The following MAPKBP1 variants were observed in gnomAD, a reference collection of about 807,000 sequenced individuals.
MAPKBP1 encodes mitogen-activated protein kinase-binding protein 1.
MAPKBP1 carries 71 observed loss-of-function variants against 170.5 expected under a neutral mutation model. That is an observed-to-expected ratio of 0.42 (90% CI 0.34 to 0.51). The LOEUF (loss-of-function observed/expected upper bound fraction) is 0.51, where lower values mean the gene tolerates loss of function less well. MAPKBP1 is among the 20% of genes least tolerant of loss of function. The pLI, the probability that MAPKBP1 is intolerant of heterozygous loss-of-function variation, is 0.06. For missense variants in MAPKBP1, 1,598 were observed against 1,933.0 expected (o/e 0.83, Z 3.25); for synonymous variants, 719 against 757.9 (o/e 0.95, Z 0.84).
intron 2 of MAPKBP1, among the ~76,000 whole-genome samples, chr15:41,785,361 G>A (rs1361281332): frequency 6.6e-6 from 1 of 152,110 alleles, no homozygotes; most frequent in Non-Finnish European, 1.5e-5. Context: ...AATTCTTTTT[G>A]ATACTAACTT....
At chr15:41,774,893 G>A (rs1473171509) in intron 1 of MAPKBP1, 1 of 439,722 alleles carries the variant, frequency 2.3e-6, no homozygotes, top group Non-Finnish European at 4.0e-6. Flanking sequence ...GGGCATTAAC[G>A]GGAACCAGAT....
Position 41,825,229 on chromosome 15 carries a change from C to T in MAPKBP1, c.4320C>T (p.Pro1440=). ...TTCAGGTGGCTGGCTGCAAGATGCCCTCAGCAGAGCAAAGTCGGATTGCCC... is the reference window on the plus strand; with the variant it reads ...TTCAGGTGGCTGGCTGCAAGATGCCTTCAGCAGAGCAAAGTCGGATTGCCC... The part of the protein sequence containing the change: ...LYHSVAGCKM[P]SAEQSRIAQL... The change falls in exon 31 of 31, where the codon CCC becomes CCT. Residue 1440 remains proline (P), a synonymous_variant. Coordinates refer to ENST00000457542, the MANE Select transcript of MAPKBP1 (RefSeq NM_014994.3). The T allele has an allele frequency of 6.3e-7, 1 of 1,594,088 alleles. No individual in the cohort carries two copies. The highest frequency in any genetic ancestry group is 8.6e-7 in the Non-Finnish European group (1 of 1,164,982).
chr15:41,821,438 T>C, intron 23 of MAPKBP1, 146 bp from the exon 24 acceptor site: 1 of 732,600 alleles, frequency 1.4e-6, no homozygotes, highest in Admixed American at 2.5e-5. Context: ...AGCTTCCCCT[T>C]GAATGAGTGC....
rs920813332 is a variant in MAPKBP1 at position 41,804,612 on chromosome 15, C to T, written c.206+4698C>T. 1.1e-4 allele frequency among the ~76,000 whole-genome samples: 17 copies of T among 152,336 alleles called. No individual in the cohort carries two copies. In the South Asian group the frequency reaches 1.9e-3, roughly 17 times the overall value. On this transcript the variant is annotated intron_variant, in intron 3 of 30. Coordinates refer to ENST00000457542, the MANE Select transcript of MAPKBP1 (RefSeq NM_014994.3). ...TCCTGCCCGCTTTCTTCCTCACACA[C>T]CCCTGGACTCCAGGCCTGGCCTTTA...
At chr15:41,811,739 A>G (rs1203123796) in intron 5 of MAPKBP1, 1 of 691,764 alleles carries the variant, frequency 1.4e-6, no homozygotes, top group Non-Finnish European at 2.6e-6. Flanking sequence ...ACGGCCACCC[A>G]GAGATGCTGA....
intron 23 of MAPKBP1, 81 bp downstream of exon 23, chr15:41,821,149 T>A: frequency 3.9e-6 from 5 of 1,294,636 alleles, no homozygotes; most frequent in Non-Finnish European, 5.6e-6. Flanking sequence ...ACCTGAGCAC[T>A]GGTCCAGCTA....
rs565048943 is a variant in MAPKBP1, at chr15:41,775,417, C to A, written c.114+28C>A. On this transcript the variant is annotated intron_variant, in intron 2 of 30. Transcript: ENST00000457542. ...GAGTCCTGTTGGGATCCACCTCTTT[C>A]CAAACCCACCCTCTCCTGCTCCATG... is the stretch of plus-strand genomic sequence containing the variant. The A allele has an allele frequency of 6.7e-6, 10 of 1,490,760 alleles. No homozygotes were observed. The African/African-American group carries it at 6.9e-5, about 10-fold the overall frequency. The allele number at this position is 1,490,760 out of a possible 1,614,324, so 92.3% of individuals were successfully genotyped here. A position where few individuals can be genotyped will look rare whatever the true frequency, so the allele number is the denominator to read the frequency against.
chr15:41,791,773 G>C (rs1393238961), intron 2 of MAPKBP1, among the ~76,000 whole-genome samples: 1 of 151,992 alleles, frequency 6.6e-6, no homozygotes, highest in African/African-American at 2.4e-5. Context: ...TGGCTTCCTG[G>C]TTCTCCTCCT....
At chr15:41,774,833 G>T in intron 1 of MAPKBP1, 2 of 401,444 alleles carry the variant, frequency 5.0e-6, no homozygotes, top group Non-Finnish European at 8.8e-6. Flanking sequence ...AATCCCTGGT[G>T]GTCTCGGCGG....
rs1268177096 is a variant in MAPKBP1, at chr15:41,817,259, GTTTAA to G, written c.1712-124_1712-120del. ...GAGACAGGAAAACCTGGGTTTCCAGGTTTAATTTAGTTGGTTTTCCCTGGCATGTA... is the reference window on the plus strand; with the variant it reads ...GAGACAGGAAAACCTGGGTTTCCAGGTTTAGTTGGTTTTCCCTGGCATGTA... On this transcript the variant is annotated intron_variant, in intron 14 of 30. Transcript: ENST00000457542. This position sits in a 1 kb window ranked among gnomAD's most constrained non-coding sequence, Gnocchi z 4.2. 1.6e-6 allele frequency: 2 copies of G among 1,238,856 alleles called. No homozygotes were observed. The highest frequency in any genetic ancestry group is 3.0e-5 in the African/African-American group (2 of 66,876). The allele number at this position is 1,238,856 out of a possible 1,614,324, so 76.7% of individuals were successfully genotyped here. A position where few individuals can be genotyped will look rare whatever the true frequency, so the allele number is the denominator to read the frequency against.
chr15:41,776,095 T>C (rs961132172), intron 2 of MAPKBP1, among the ~76,000 whole-genome samples: 5 of 152,250 alleles, frequency 3.3e-5, no homozygotes, highest in Non-Finnish European at 7.3e-5. Flanking sequence ...TTGGTCCTTA[T>C]GCTTTTTCAA....
rs552472091 is a variant in MAPKBP1 at position 41,793,343 on chromosome 15, C to G, written c.115-6480C>G. Among the ~76,000 whole-genome samples, 3 of 151,968 alleles carry G rather than the reference C, an allele frequency of 2.0e-5. No homozygotes were observed. The South Asian group carries it at 6.2e-4, about 32-fold the overall frequency. On this transcript the variant is annotated intron_variant, in intron 2 of 30. Coordinates refer to ENST00000457542, the MANE Select transcript of MAPKBP1 (RefSeq NM_014994.3). ...TCTACTAAAAATACAAAAAATTAGC[C>G]GGACGTGGTGGCATGTGCCTGTAGT... is the stretch of plus-strand genomic sequence containing the variant.
Position 41,774,781 on chromosome 15 carries a change from C to A in MAPKBP1, c.-110+171C>A, listed in dbSNP as rs146027549. ...AGTTGTGGGCTACGGCGAGCCCCGC[C>A]GCGTCCCCGCCGGCGCTAGCGCAGG... On this transcript the variant is annotated intron_variant, in intron 1 of 30. Coordinates refer to ENST00000457542, the MANE Select transcript of MAPKBP1 (RefSeq NM_014994.3). 5.9e-3 allele frequency: 2,363 copies of A among 399,776 alleles called. 12 individuals carry two copies. The highest frequency in any genetic ancestry group is 8.3e-3 in the Non-Finnish European group (1,879 of 227,266). The allele number at this position is 399,776 out of a possible 1,614,324, so 24.8% of individuals were successfully genotyped here. A position where few individuals can be genotyped will look rare whatever the true frequency, so the allele number is the denominator to read the frequency against.
In MAPKBP1 at chr15:41,822,301, AGAG is replaced by A. The variant is rs1335474802; in HGVS notation, c.3111_3113del (p.Glu1041del). 6.2e-7 allele frequency: 1 copy of A among 1,613,946 alleles called. No homozygotes were observed. Among genetic ancestry groups the A allele is most frequent in the African/African-American group, 1.3e-5 (1 of 74,936 alleles). ...AAGAGCCAGCTGAGGGTGATGAAGA[AGAG>A]GAAGAAGAGGAGGGAGGCATGGGCC... On this transcript the variant is annotated inframe_deletion, in exon 26 of 31. Transcript: ENST00000457542.
chr15:41,774,544 A>C lies in MAPKBP1; in HGVS notation c.-176A>C. 1 of 398,568 alleles carries C rather than the reference A, an allele frequency of 2.5e-6. No homozygotes were observed. Among genetic ancestry groups the C allele is most frequent in the Non-Finnish European group, 4.4e-6 (1 of 226,060 alleles). The allele number at this position is 398,568 out of a possible 1,614,324, so 24.7% of individuals were successfully genotyped here. A position where few individuals can be genotyped will look rare whatever the true frequency, so the allele number is the denominator to read the frequency against. ...TCTACCGCTGCGGCTACCGCGGCGGAGCTGAAATTGCCGAACGCGATGCCC... is the reference window on the plus strand; with the variant it reads ...TCTACCGCTGCGGCTACCGCGGCGGCGCTGAAATTGCCGAACGCGATGCCC... On this transcript the variant is annotated 5_prime_UTR_variant, in exon 1 of 31. Coordinates refer to ENST00000457542, the MANE Select transcript of MAPKBP1 (RefSeq NM_014994.3).
Position 41,813,706 on chromosome 15 carries a change from C to T in MAPKBP1, c.905C>T (p.Ser302Phe), listed in dbSNP as rs2064843222. ...GGCACCGTGCGCCTTTTCAACCCCT[C>T]TAACCTGCACTTCCTTAGCACCTTG... ...ADGTVRLFNP[S>F]NLHFLSTLPR... The change falls in exon 9 of 31, where the codon TCT becomes TTT. Residue 302 changes from serine (S) to phenylalanine (F), a missense_variant. Physicochemically the swap from Ser to Phe is radical, Grantham distance 155. Coordinates refer to ENST00000457542, the MANE Select transcript of MAPKBP1 (RefSeq NM_014994.3). 6.2e-7 allele frequency: 1 copy of T among 1,614,002 alleles called. No homozygotes were observed.
intron 3 of MAPKBP1, among the ~76,000 whole-genome samples, chr15:41,808,105 CTTTTTTTT>C (rs544983500): frequency 8.2e-5 from 9 of 109,450 alleles, no homozygotes; most frequent in East Asian, 6.1e-4. Context: ...TTCTTTCTTT[CTTTTTTTT>C]TTTTTTTTTT....
Position 41,817,906 on chromosome 15 carries a change from C to G in MAPKBP1, c.1905-103C>G. On this transcript the variant is annotated intron_variant, in intron 16 of 30. Coordinates refer to ENST00000457542, the MANE Select transcript of MAPKBP1 (RefSeq NM_014994.3). This position sits in a 1 kb window ranked among gnomAD's most constrained non-coding sequence, Gnocchi z 4.2. The stretch of plus-strand genomic sequence containing the variant: ...GTAGCCTGTTTGCTGCTGGGGGTAG[C>G]TCCCAGAGAGTGTAGACTGGGAGTG... The G allele has an allele frequency of 6.6e-7, 1 of 1,522,950 alleles. No homozygotes were observed. The highest frequency in any genetic ancestry group is 1.7e-4 in the Middle Eastern group (1 of 5,844). The allele number at this position is 1,522,950 out of a possible 1,614,324, so 94.3% of individuals were successfully genotyped here.
Position 41,826,923 on chromosome 15 carries a change from C to G in MAPKBP1, c.*1487C>G, listed in dbSNP as rs1341994552. On this transcript the variant is annotated 3_prime_UTR_variant, in exon 31 of 31. Coordinates refer to ENST00000457542, the MANE Select transcript of MAPKBP1 (RefSeq NM_014994.3). ...CTGCTCCCCTCTGCTGCAGGTAAGT[C>G]AGAGCAGCTTTACCACAGCTTCAGG... 6.6e-6 allele frequency: 1 copy of G among 152,192 alleles called. No homozygotes were observed. Among genetic ancestry groups the G allele is most frequent in the Non-Finnish European group, 1.5e-5 (1 of 68,110 alleles). The allele number at this position is 152,192 out of a possible 1,614,324, so 9.4% of individuals were successfully genotyped here.
Sources: allele counts gnomAD v4.1 joint callset (sites outside exome capture counted in the v4.1 genomes callset), GRCh38; gene constraint gnomAD v4.1.1; non-coding constraint Gnocchi (gnomAD v3.1); transcripts MANE v1.5; gene names NCBI Gene and HGNC (gene_info 2026-07-23, HGNC 2026-07-21).